Variants in LY86 observed in about 807,000 individuals in gnomAD.
The protein encoded by LY86 is MD-1, RP105-associated.
LY86 carries 20 observed loss-of-function variants against 17.3 expected under a neutral mutation model. The observed-to-expected ratio is 1.15, with a 90% CI of 0.81 to 1.68. The LOEUF (loss-of-function observed/expected upper bound fraction) is 1.68, where lower values mean the gene tolerates loss of function less well. LY86 is among the 40% of genes most tolerant of loss of function. The pLI, the probability that LY86 is intolerant of heterozygous loss-of-function variation, is 0.00. For synonymous variants in LY86, 74 were observed against 70.6 expected (o/e 1.05, Z -0.24); for missense variants, 200 against 191.9 (o/e 1.04, Z -0.25).
chr6:6,630,953 A>G (rs1761888860), intron 3 of LY86, among the ~76,000 whole-genome samples: 1 of 152,242 alleles, frequency 6.6e-6, no homozygotes, highest in Admixed American at 6.5e-5. Context: ...ATACTGAGTT[A>G]AGTAGAATTT....
chr6:6,593,701 GTTT>G (rs745677624), intron 1 of LY86, among the ~76,000 whole-genome samples: 121 of 152,348 alleles, frequency 7.9e-4, no homozygotes, highest in East Asian at 1.3e-3. Flanking sequence ...AATAAAATTA[GTTT>G]TTAAGATGCT....
chr6:6,588,961 A>G, intron 1 of LY86, 91 bp downstream of exon 1: 1 of 1,404,484 alleles, frequency 7.1e-7, no homozygotes, highest in Non-Finnish European at 9.6e-7. Flanking sequence ...TTGGGGTGGG[A>G]GGGGAGAGGG....
In LY86 at chr6:6,654,810, G is replaced by C; in HGVS notation, c.*183G>C. 1 of 589,204 alleles carries C rather than the reference G, an allele frequency of 1.7e-6. No individual in the cohort carries two copies. Among genetic ancestry groups the C allele is most frequent in the East Asian group, 2.8e-5 (1 of 35,568 alleles). 36.5% of individuals were successfully genotyped at this position (589,204 alleles called of 1,614,324 possible). A position where few individuals can be genotyped will look rare whatever the true frequency, so the allele number is the denominator to read the frequency against. ...CCAGACATCCCCAGACTCCACAGAT[G>C]TAATGAAGTCCCCGAATGTATCTGT... On this transcript the variant is annotated 3_prime_UTR_variant, in exon 5 of 5. Transcript: ENST00000230568.
At chr6:6,608,643 C>G (rs1761256710) in intron 1 of LY86, among the ~76,000 whole-genome samples, 1 of 152,214 alleles carries the variant, frequency 6.6e-6, no homozygotes, top group East Asian at 1.9e-4. Flanking sequence ...TCCATGCACA[C>G]TAACAGTTTT....
At chr6:6,606,413 C>T (rs965731104) in intron 1 of LY86, among the ~76,000 whole-genome samples, 5 of 152,230 alleles carry the variant, frequency 3.3e-5, no homozygotes, top group Non-Finnish European at 7.4e-5. Flanking sequence ...GCTTCACCCA[C>T]TGGATCCTGC....
chr6:6,642,645 A>G (rs79704697), intron 3 of LY86, among the ~76,000 whole-genome samples: 1 of 152,280 alleles, frequency 6.6e-6, no homozygotes, highest in African/African-American at 2.4e-5. Flanking sequence ...TGAGAGCCCT[A>G]ACTTACCAGC....
At chr6:6,610,233 T>TC (rs1303966531) in intron 1 of LY86, among the ~76,000 whole-genome samples, 1 of 152,234 alleles carries the variant, frequency 6.6e-6, no homozygotes, top group Middle Eastern at 3.2e-3. Flanking sequence ...CGTGGTTCTG[T>TC]AAGATGTTAC....
chr6:6,606,795 C>T (rs1204009515), intron 1 of LY86, among the ~76,000 whole-genome samples: 1 of 152,250 alleles, frequency 6.6e-6, no homozygotes, highest in Non-Finnish European at 1.5e-5. Context: ...CGGGTTCCCG[C>T]TTACGCCTCT....
intron 3 of LY86, among the ~76,000 whole-genome samples, chr6:6,649,002 T>C (rs1001315290): frequency 6.6e-6 from 1 of 152,216 alleles, no homozygotes; most frequent in African/African-American, 2.4e-5. Flanking sequence ...ATTAGTTCAT[T>C]TTCATACCAC....
At position 6,626,292 on chromosome 6, in the gene LY86, G is replaced by A. The variant is rs758874995; in HGVS notation, c.224-1G>A. On this transcript the variant is annotated splice_acceptor_variant, in intron 2 of 4. Coordinates refer to ENST00000230568, the MANE Select transcript of LY86 (RefSeq NM_004271.4). LOFTEE classifies it high-confidence loss of function. Reference sequence around the variant, plus strand: ...TAAAGCTGTTCTTCTCTTTCCTCCAGGAGAGGACATCAAAGAGCTTTTTCT... The same window carrying A: ...TAAAGCTGTTCTTCTCTTTCCTCCAAGAGAGGACATCAAAGAGCTTTTTCT... 50 of 1,613,682 alleles carry A rather than the reference G, an allele frequency of 3.1e-5. No individual in the cohort carries two copies. The East Asian group carries it at 1.1e-3, about 35-fold the overall frequency.
chr6:6,612,285 T>C (rs1761380981), intron 1 of LY86, among the ~76,000 whole-genome samples: 1 of 152,220 alleles, frequency 6.6e-6, no homozygotes, highest in Non-Finnish European at 1.5e-5. Flanking sequence ...AGTTTCTTTC[T>C]CGTGGGTTAG....
chr6:6,636,363 T>C (rs1761958946), intron 3 of LY86, among the ~76,000 whole-genome samples: 1 of 152,184 alleles, frequency 6.6e-6, no homozygotes, highest in East Asian at 1.9e-4. Context: ...AATGGGATAA[T>C]ACACATATAG....
intron 1 of LY86, among the ~76,000 whole-genome samples, chr6:6,612,567 G>T (rs1053359188): frequency 9.9e-5 from 15 of 152,052 alleles, no homozygotes; most frequent in African/African-American, 3.6e-4. Context: ...GTTGTCACTA[G>T]TGGAGCCTGC....
intron 1 of LY86, among the ~76,000 whole-genome samples, chr6:6,611,435 A>C (rs1378357122): frequency 6.6e-6 from 1 of 152,228 alleles, no homozygotes; most frequent in Non-Finnish European, 1.5e-5. Context: ...GATTTCAGCT[A>C]ATACATACGT....
chr6:6,627,901 C>T (rs1761821258), intron 3 of LY86, among the ~76,000 whole-genome samples: 1 of 152,184 alleles, frequency 6.6e-6, no homozygotes, highest in Non-Finnish European at 1.5e-5. Flanking sequence ...CCAATCTTAG[C>T]TTTAATGAAT....
At chr6:6,606,528 C>T (rs1168838081) in intron 1 of LY86, among the ~76,000 whole-genome samples, 1 of 152,118 alleles carries the variant, frequency 6.6e-6, no homozygotes, top group Non-Finnish European at 1.5e-5. Flanking sequence ...CAGGGGGCGG[C>T]GCTCGTCGGG....
At chr6:6,600,382 G>A (rs1187324408) in intron 1 of LY86, among the ~76,000 whole-genome samples, 1 of 151,938 alleles carries the variant, frequency 6.6e-6, no homozygotes, top group Non-Finnish European at 1.5e-5. Flanking sequence ...CTTAGGTCAG[G>A]AGTTCGAGAT....
intron 4 of LY86, among the ~76,000 whole-genome samples, chr6:6,653,361 T>C (rs1175899518): frequency 6.6e-6 from 1 of 152,150 alleles, no homozygotes. Context: ...TTCAAAGATG[T>C]GCCAGCAGTC....
chr6:6,600,358 G>A (rs946246638), intron 1 of LY86, among the ~76,000 whole-genome samples: 1 of 151,978 alleles, frequency 6.6e-6, no homozygotes, highest in Non-Finnish European at 1.5e-5. Context: ...CAGAGGCCGA[G>A]GCAGGCAGAT....
Sources: gnomAD v4.1 joint callset for allele counts (sites outside exome capture counted in the v4.1 genomes callset) on GRCh38, gnomAD v4.1.1 for gene constraint, MANE v1.5 for transcripts, NCBI Gene and HGNC (gene_info 2026-07-23, HGNC 2026-07-21) for gene names.